Variants in BICD1 observed in about 807,000 individuals in gnomAD.
BICD1 encodes protein bicaudal D homolog 1.
A neutral mutation model predicts 92.5 loss-of-function variants in BICD1; 35 were observed. The observed-to-expected ratio is 0.38, with a 90% confidence interval of 0.29 to 0.50. The LOEUF (loss-of-function observed/expected upper bound fraction) is 0.50, where lower values mean the gene tolerates loss of function less well. Among genes scored for constraint, BICD1 ranks in the 20% least tolerant of loss-of-function variants. The pLI, the probability that BICD1 is intolerant of heterozygous loss-of-function variation, is 0.93. For synonymous variants in BICD1, 429 were observed against 465.1 expected (o/e 0.92, Z 1.00); for missense variants, 950 against 1,189.8 (o/e 0.80, Z 2.97).
rs541400147 is a variant in BICD1 at position 32,245,408 on chromosome 12, A to G, written c.426+28949A>G. On this transcript the variant is annotated intron_variant, in intron 2 of 9. Coordinates refer to ENST00000652176, the MANE Select transcript of BICD1 (RefSeq NM_001714.4). ...AGTGACTATTTGAGGCCTGGTCAGG[A>G]TATCTGCTGTTATTTGGAACACAAG... 3.9e-5 allele frequency among the ~76,000 whole-genome samples: 6 copies of G among 152,292 alleles called. No individual in the cohort carries two copies. In the East Asian group the frequency reaches 1.2e-3, roughly 29 times the overall value.
At chr12:32,187,606 A>G (rs531363757) in intron 1 of BICD1, among the ~76,000 whole-genome samples, 47 of 152,246 alleles carry the variant, frequency 3.1e-4, no homozygotes, top group African/African-American at 9.6e-4. Flanking sequence ...TGGGAGGCGG[A>G]GGTTGCAGTG....
At chr12:32,265,711 T>G (rs1946976171) in intron 2 of BICD1, among the ~76,000 whole-genome samples, 1 of 116,500 alleles carries the variant, frequency 8.6e-6, no homozygotes, top group Admixed American at 8.5e-5. Flanking sequence ...CACAGCGAGA[T>G]CCTATTTAAA....
At chr12:32,304,324 A>C (rs983665113) in intron 3 of BICD1, among the ~76,000 whole-genome samples, 4 of 152,248 alleles carry the variant, frequency 2.6e-5, no homozygotes, top group Admixed American at 6.5e-5. Context: ...TATATATGCT[A>C]AAATAAATAT....
At chr12:32,182,888 TTC>T (rs1491300719) in intron 1 of BICD1, among the ~76,000 whole-genome samples, 2,308 of 95,218 alleles carry the variant, frequency 0.024, 73 homozygotes, top group African/African-American at 0.033. Flanking sequence ...TTTTCTTTCT[TTC>T]TTTTTTTTTT....
chr12:32,345,157 A>G (rs1204385279), intron 8 of BICD1, among the ~76,000 whole-genome samples: 1 of 151,750 alleles, frequency 6.6e-6, no homozygotes, highest in African/African-American at 2.4e-5. Flanking sequence ...ATGTGCTGGC[A>G]TGCACTCATA....
chr12:32,300,976 T>C (rs1302585554), intron 3 of BICD1, among the ~76,000 whole-genome samples: 1 of 152,114 alleles, frequency 6.6e-6, no homozygotes, highest in Non-Finnish European at 1.5e-5. Flanking sequence ...TAAGCAGGCC[T>C]GAAAGAAACC....
chr12:32,315,895 G>C (rs1168799613), intron 4 of BICD1, among the ~76,000 whole-genome samples: 1 of 152,032 alleles, frequency 6.6e-6, no homozygotes, highest in East Asian at 1.9e-4. Flanking sequence ...TAGCACTTTG[G>C]GAGGCTGAGA....
At chr12:32,235,751 A>T (rs1946050422) in intron 2 of BICD1, among the ~76,000 whole-genome samples, 1 of 146,300 alleles carries the variant, frequency 6.8e-6, no homozygotes, top group South Asian at 2.2e-4. Flanking sequence ...CCCAGGCTGG[A>T]GTGCAGTGGT....
chr12:32,308,558 G>A (rs1039968706), intron 4 of BICD1, among the ~76,000 whole-genome samples: 3 of 152,048 alleles, frequency 2.0e-5, no homozygotes, highest in Non-Finnish European at 4.4e-5. Flanking sequence ...AATTTATTAG[G>A]CACTCACTTT....
chr12:32,266,188 T>C (rs1946991418), intron 2 of BICD1, among the ~76,000 whole-genome samples: 1 of 152,206 alleles, frequency 6.6e-6, no homozygotes, highest in Admixed American at 6.5e-5. Flanking sequence ...TCTATTTTAA[T>C]AGAAACCTGC....
At chr12:32,166,138 A>ATTTATTTATTTTTTATTTATTT (rs1555140608) in intron 1 of BICD1, among the ~76,000 whole-genome samples, 1 of 143,954 alleles carries the variant, frequency 6.9e-6, no homozygotes, top group African/African-American at 2.6e-5. Context: ...TTATTTATTT[A>ATTTATTTATTTTTTATTTATTT]TTTATTTATT....
At chr12:32,199,588 T>G (rs1944844288) in intron 1 of BICD1, among the ~76,000 whole-genome samples, 1 of 152,212 alleles carries the variant, frequency 6.6e-6, no homozygotes, top group South Asian at 2.1e-4. Flanking sequence ...CTTATATACC[T>G]TCTAAGCTAT....
At chr12:32,349,372 A>C (rs1318752300) in intron 8 of BICD1, among the ~76,000 whole-genome samples, 1 of 152,176 alleles carries the variant, frequency 6.6e-6, no homozygotes, top group Non-Finnish European at 1.5e-5. Context: ...AATACTAAGA[A>C]AACATATTAT....
chr12:32,161,386 T>C (rs1047814331), intron 1 of BICD1, among the ~76,000 whole-genome samples: 5 of 152,238 alleles, frequency 3.3e-5, no homozygotes, highest in Non-Finnish European at 2.9e-5. Context: ...ATCATGATTG[T>C]ATTTTTTTCT....
chr12:32,178,167 A>G (rs1944172393), intron 1 of BICD1, among the ~76,000 whole-genome samples: 1 of 151,936 alleles, frequency 6.6e-6, no homozygotes, highest in South Asian at 2.1e-4. Flanking sequence ...CTTTAATTAG[A>G]TGGTAGGCTG....
rs1183641223 is a variant in BICD1 at position 32,305,682 on chromosome 12, T to C, written c.580-15T>C. On this transcript the variant is annotated splice_polypyrimidine_tract_variant and intron_variant, in intron 3 of 9. Transcript: ENST00000652176. ...ATTTTAGTTTTATGAATCTTCTTTA[T>C]CCTGTCTGATTCAGGTTGAATACGA... 2 of 1,588,294 alleles carry C rather than the reference T, an allele frequency of 1.3e-6. No individual in the cohort carries two copies. Among genetic ancestry groups the C allele is most frequent in the Non-Finnish European group, 1.7e-6 (2 of 1,168,758 alleles).
chr12:32,186,228 T>C (rs1373164738), intron 1 of BICD1, among the ~76,000 whole-genome samples: 1 of 152,244 alleles, frequency 6.6e-6, no homozygotes, highest in East Asian at 1.9e-4. Context: ...GCACATTTAC[T>C]AGAGTGGTGT....
chr12:32,177,966 A>G (rs1343650541), intron 1 of BICD1, among the ~76,000 whole-genome samples: 1 of 151,342 alleles, frequency 6.6e-6, no homozygotes, highest in Non-Finnish European at 1.5e-5. Flanking sequence ...GCAAAGCAGT[A>G]TGCATTCTAT....
intron 2 of BICD1, among the ~76,000 whole-genome samples, chr12:32,272,566 A>G (rs1162359274): frequency 6.6e-6 from 1 of 151,402 alleles, no homozygotes; most frequent in African/African-American, 2.5e-5. Flanking sequence ...CAGACCTCCA[A>G]TAAACTTGTG....
Sources: gnomAD v4.1 joint callset for allele counts (sites outside exome capture counted in the v4.1 genomes callset) on GRCh38, gnomAD v4.1.1 for gene constraint, MANE v1.5 for transcripts, NCBI Gene and HGNC (gene_info 2026-07-23, HGNC 2026-07-21) for gene names.